Variants in SNTG2 observed in about 807,000 individuals in gnomAD.
SNTG2 encodes gamma-2-syntrophin.
Under a neutral mutation model 70.9 loss-of-function variants are expected in SNTG2, and 74 were observed. That is an observed-to-expected ratio of 1.04 (90% CI 0.86 to 1.27). The LOEUF (loss-of-function observed/expected upper bound fraction) is 1.27. SNTG2 is among the 50% of genes most tolerant of loss of function. The probability of loss-of-function intolerance (pLI) is 0.00; values close to 1 mark genes in which losing one functional copy is unlikely to be tolerated. For missense variants in SNTG2, 717 were observed against 690.7 expected (o/e 1.04, Z -0.43); for synonymous variants, 278 against 273.8 (o/e 1.02, Z -0.15).
intron 6 of SNTG2, among the ~76,000 whole-genome samples, chr2:1,162,193 G>C (rs1343990106): frequency 6.6e-6 from 1 of 152,188 alleles, no homozygotes; most frequent in Non-Finnish European, 1.5e-5. Context: ...GTAAGCAAGG[G>C]ATGGCAGATT....
At chr2:1,090,228 G>T (rs979304645) in intron 2 of SNTG2, among the ~76,000 whole-genome samples, 2 of 152,154 alleles carry the variant, frequency 1.3e-5, no homozygotes, top group African/African-American at 4.8e-5. Context: ...ACTGTCCAAA[G>T]TTGATAAGTT....
At chr2:1,277,534 C>G (rs1679318075) in intron 14 of SNTG2, among the ~76,000 whole-genome samples, 1 of 152,168 alleles carries the variant, frequency 6.6e-6, no homozygotes, top group Non-Finnish European at 1.5e-5. Flanking sequence ...ATAGTGTAAG[C>G]CCAATTTTTA....
At chr2:1,130,399 C>T (rs1312361110) in intron 4 of SNTG2, among the ~76,000 whole-genome samples, 1 of 152,272 alleles carries the variant, frequency 6.6e-6, no homozygotes, top group African/African-American at 2.4e-5. Context: ...TTTTTCCTTT[C>T]AGATTAATGA....
At chr2:1,099,553 G>A (rs966094166) in intron 4 of SNTG2, among the ~76,000 whole-genome samples, 1 of 152,154 alleles carries the variant, frequency 6.6e-6, no homozygotes. Flanking sequence ...TCCCAGGCTG[G>A]GGAAGCCTTA....
chr2:1,097,350 A>AGCCATTCAGC lies in SNTG2; in HGVS notation c.211-845_211-836dup, dbSNP rs1337853693. ...GCTTTGCACAGCAGATTCCTTTCAG[A>AGCCATTCAGC]GCCATTCAGCCTGAACATGCTCATG... On this transcript the variant is annotated intron_variant, in intron 2 of 16. Transcript: ENST00000308624. The surrounding 1 kb of genome is among the most constrained non-coding windows in gnomAD (Gnocchi z 4.1). Among the ~76,000 whole-genome samples, 16 of 152,280 alleles carry AGCCATTCAGC rather than the reference A, an allele frequency of 1.1e-4. No individual in the cohort carries two copies. In the East Asian group the frequency reaches 2.9e-3, roughly 28 times the overall value.
At chr2:996,177 T>C (rs1661675823) in intron 1 of SNTG2, among the ~76,000 whole-genome samples, 1 of 152,216 alleles carries the variant, frequency 6.6e-6, no homozygotes, top group Non-Finnish European at 1.5e-5. Context: ...TTGACTGGTA[T>C]GCAGTTTTCT....
chr2:1,119,136 A>G (rs1667223178), intron 4 of SNTG2, among the ~76,000 whole-genome samples: 4 of 152,216 alleles, frequency 2.6e-5, no homozygotes. Flanking sequence ...GGGAAAACAA[A>G]CAAACACAAA....
At chr2:1,178,076 C>G (rs1671604195) in intron 8 of SNTG2, among the ~76,000 whole-genome samples, 1 of 152,046 alleles carries the variant, frequency 6.6e-6, no homozygotes, top group African/African-American at 2.4e-5. Flanking sequence ...TTAAAAGACT[C>G]AAAATCCTGT....
rs140428824 is a variant in SNTG2 at position 1,191,667 on chromosome 2, C to T, written c.592-17436C>T. ...AAAATTAGCCAGGTGTGGTGGCGCT[C>T]GCCTGTAGTCCCAGCTACTTGGGAG... On this transcript the variant is annotated intron_variant, in intron 8 of 16. Coordinates refer to ENST00000308624, the MANE Select transcript of SNTG2 (RefSeq NM_018968.4). 5.6e-3 allele frequency among the ~76,000 whole-genome samples: 845 copies of T among 152,140 alleles called. 8 individuals are homozygous for T. The highest frequency in any genetic ancestry group is 0.019 in the African/African-American group (803 of 41,512).
chr2:1,114,010 T>C (rs1365684579), intron 4 of SNTG2, among the ~76,000 whole-genome samples: 2 of 151,670 alleles, frequency 1.3e-5, no homozygotes, highest in Non-Finnish European at 2.9e-5. Flanking sequence ...GGTTTAACTC[T>C]TACAGTCCTT....
At chr2:1,075,746 G>A (rs770996016) in intron 1 of SNTG2, among the ~76,000 whole-genome samples, 6 of 152,218 alleles carry the variant, frequency 3.9e-5, no homozygotes, top group Non-Finnish European at 8.8e-5. Context: ...GCTGGATTAA[G>A]AGAGTTTATT....
chr2:1,256,284 CGTG>C (rs1486166736), intron 12 of SNTG2: 3 of 152,062 alleles, frequency 2.0e-5, no homozygotes, highest in Non-Finnish European at 1.5e-5. Context: ...AGTGTCGTGA[CGTG>C]GTGCATGACT....
At chr2:1,293,822 G>T (rs961700792) in intron 14 of SNTG2, among the ~76,000 whole-genome samples, 1 of 152,124 alleles carries the variant, frequency 6.6e-6, no homozygotes, top group Non-Finnish European at 1.5e-5. Context: ...TGACCCTCTG[G>T]CAGGCTTCCT....
chr2:1,004,650 C>T (rs2147991014), intron 1 of SNTG2, among the ~76,000 whole-genome samples: 1 of 152,330 alleles, frequency 6.6e-6, no homozygotes, highest in South Asian at 2.1e-4. Flanking sequence ...ATCCAAAACG[C>T]TGACAGCACC....
chr2:991,781 C>A (rs1489484993), intron 1 of SNTG2, among the ~76,000 whole-genome samples: 1 of 152,168 alleles, frequency 6.6e-6, no homozygotes. Flanking sequence ...TGAGACCAGG[C>A]AGCAGTGGTG....
At chr2:1,159,509 A>G (rs1384068180) in intron 6 of SNTG2, 1 of 152,214 alleles carries the variant, frequency 6.6e-6, no homozygotes, top group Admixed American at 6.5e-5. Context: ...GACAATATAA[A>G]GGAAAAAATA....
intron 1 of SNTG2, among the ~76,000 whole-genome samples, chr2:1,031,495 A>G (rs1660811345): frequency 8.5e-6 from 1 of 117,318 alleles, no homozygotes; most frequent in African/African-American, 3.5e-5. Flanking sequence ...CTATTTGTAT[A>G]TATAGTTCAT....
At chr2:1,187,683 A>G (rs1459800001) in intron 8 of SNTG2, among the ~76,000 whole-genome samples, 1 of 152,236 alleles carries the variant, frequency 6.6e-6, no homozygotes, top group Non-Finnish European at 1.5e-5. Context: ...CGGAGCACCA[A>G]GAAGCAACAG....
chr2:1,258,297 A>G (rs563617718), intron 12 of SNTG2, among the ~76,000 whole-genome samples: 1 of 152,328 alleles, frequency 6.6e-6, no homozygotes, highest in South Asian at 2.1e-4. Context: ...CCCTCTAGCA[A>G]ATTCGAGATG....
Sources: gnomAD v4.1 joint callset for allele counts (sites outside exome capture counted in the v4.1 genomes callset) on GRCh38, gnomAD v4.1.1 for gene constraint, Gnocchi (gnomAD v3.1) non-coding constraint, MANE v1.5 for transcripts, NCBI Gene and HGNC (gene_info 2026-07-23, HGNC 2026-07-21) for gene names.